The following MTMR7 variants were observed in gnomAD, a reference collection of about 807,000 sequenced individuals.
MTMR7 encodes myotubularin related protein 7.
MTMR7 carries 76 observed loss-of-function variants against 81.2 expected under a neutral mutation model. The ratio of observed to expected loss-of-function variants is 0.94; its 90% CI spans 0.78 to 1.13. MTMR7 has a LOEUF of 1.13. Among genes scored for constraint, MTMR7 ranks in the 50% most tolerant of loss-of-function variants. The pLI is 0.00. For synonymous variants in MTMR7, 372 were observed against 289.8 expected (o/e 1.28, Z -2.88); for missense variants, 1,044 against 820.0 (o/e 1.27, Z -3.34).
chr8:17,370,568 A>C (rs563953772), intron 3 of MTMR7, among the ~76,000 whole-genome samples: 30 of 150,874 alleles, frequency 2.0e-4, no homozygotes, highest in African/African-American at 6.5e-4. Flanking sequence ...AAAAAAAAAA[A>C]AAAAAAAAAA....
intron 4 of MTMR7, among the ~76,000 whole-genome samples, chr8:17,360,359 A>C (rs1421358762): frequency 6.6e-6 from 1 of 152,148 alleles, no homozygotes; most frequent in East Asian, 1.9e-4. Context: ...TCCAATTTTC[A>C]ATAATGAATA....
Position 17,372,284 on chromosome 8 carries a change from C to T in MTMR7, c.147+834G>A, listed in dbSNP as rs185696855. On this transcript the variant is annotated intron_variant, in intron 2 of 13. Coordinates refer to ENST00000180173, the MANE Select transcript of MTMR7 (RefSeq NM_004686.5). The stretch of plus-strand genomic sequence containing the variant: ...ATTCAGGGATGTCATGATTGGGTTG[C>T]TGAAAGAATAATAAGGCCACACACG... Among the ~76,000 whole-genome samples the T allele has an allele frequency of 3.9e-3, 588 of 152,144 alleles. 18 individuals are homozygous for T. Among genetic ancestry groups the T allele is most frequent in the Non-Finnish European group, 7.9e-4 (54 of 68,014 alleles).
In MTMR7 at chr8:17,411,793, G is replaced by A. The variant is rs561729368; in HGVS notation, c.24+1476C>T. Among the ~76,000 whole-genome samples, 3 of 152,310 alleles carry A rather than the reference G, an allele frequency of 2.0e-5. No homozygotes were observed. In the Middle Eastern group the frequency reaches 0.01, roughly 518 times the overall value. On this transcript the variant is annotated intron_variant, in intron 1 of 13. Transcript: ENST00000180173. ...ACCAGGTGGCTTTGTATATAGAACA[G>A]AAAAGGCCTTGACTCCCCCAAATTC...
intron 10 of MTMR7, among the ~76,000 whole-genome samples, chr8:17,308,342 G>A (rs1262126618): frequency 6.6e-6 from 1 of 152,134 alleles, no homozygotes; most frequent in Non-Finnish European, 1.5e-5. Context: ...ATAATGCCAT[G>A]TTAAGAAGTT....
intron 10 of MTMR7, among the ~76,000 whole-genome samples, chr8:17,306,963 C>A (rs995782731): frequency 1.3e-5 from 2 of 152,144 alleles, no homozygotes; most frequent in African/African-American, 4.8e-5. Flanking sequence ...CAATACCATT[C>A]AGGACATAGG....
At chr8:17,363,500 T>C (rs1040543239) in intron 3 of MTMR7, among the ~76,000 whole-genome samples, 1 of 152,214 alleles carries the variant, frequency 6.6e-6, no homozygotes, top group Non-Finnish European at 1.5e-5. Flanking sequence ...AACGAAATTA[T>C]CCATAAATTA....
At chr8:17,399,939 C>T (rs1821373888) in intron 1 of MTMR7, among the ~76,000 whole-genome samples, 1 of 151,084 alleles carries the variant, frequency 6.6e-6, no homozygotes, top group African/African-American at 2.4e-5. Flanking sequence ...ATCTCTATCA[C>T]CTGAGATTAA....
At chr8:17,309,877 T>C (rs1563320752) in intron 9 of MTMR7, among the ~76,000 whole-genome samples, 1 of 152,216 alleles carries the variant, frequency 6.6e-6, no homozygotes, top group Non-Finnish European at 1.5e-5. Context: ...TGATGGTGTT[T>C]GGGGTATATT....
At chr8:17,353,211 C>A (rs1819779191) in intron 4 of MTMR7, among the ~76,000 whole-genome samples, 1 of 152,096 alleles carries the variant, frequency 6.6e-6, no homozygotes. Flanking sequence ...CTGTATGATT[C>A]CACTTATATG....
chr8:17,401,303 G>T (rs553311793), intron 1 of MTMR7, among the ~76,000 whole-genome samples: 1 of 152,224 alleles, frequency 6.6e-6, no homozygotes, highest in East Asian at 1.9e-4. Flanking sequence ...GCACATCTAA[G>T]GAAAGCAAGT....
In MTMR7 at chr8:17,403,369, C is replaced by T. The variant is rs117576194; in HGVS notation, c.24+9900G>A. Among the ~76,000 whole-genome samples the T allele has an allele frequency of 3.9e-4, 59 of 152,232 alleles. 1 individual carries two copies. Among genetic ancestry groups the T allele is most frequent in the East Asian group, 2.1e-3 (11 of 5,188 alleles). On this transcript the variant is annotated intron_variant, in intron 1 of 13. Transcript: ENST00000180173. ...CAATATATGTCATTGGCACTATTTT[C>T]GAAAACAAGTCCACTGTAGGTGTGT... is the stretch of plus-strand genomic sequence containing the variant.
Position 17,335,250 on chromosome 8 carries a change from T to C in MTMR7, c.733-3968A>G, listed in dbSNP as rs546772898. On this transcript the variant is annotated intron_variant, in intron 6 of 13. Transcript: ENST00000180173. ...CGAGGGGCCCTGAGTGTCTCATTGA[T>C]GGCCACATCCGTATCCTTCAAACCG... Among the ~76,000 whole-genome samples, 613 of 152,238 alleles carry C rather than the reference T, an allele frequency of 4.0e-3. 4 individuals are homozygous for C. Among genetic ancestry groups the C allele is most frequent in the African/African-American group, 0.014 (581 of 41,534 alleles).
At position 17,318,270 on chromosome 8, in the gene MTMR7, C is replaced by T. The variant is rs547617938; in HGVS notation, c.866-4869G>A. Among the ~76,000 whole-genome samples the T allele has an allele frequency of 3.9e-5, 6 of 152,258 alleles. No homozygotes were observed. In the South Asian group the frequency reaches 6.2e-4, roughly 16 times the overall value. On this transcript the variant is annotated intron_variant, in intron 7 of 13. Coordinates refer to ENST00000180173, the MANE Select transcript of MTMR7 (RefSeq NM_004686.5). ...ATGCTCGGGCTGGGAATCTCACAGA[C>T]ACCCAGCAGACGTACACCAAATGCT...
chr8:17,339,564 T>C (rs1333597822), intron 6 of MTMR7, among the ~76,000 whole-genome samples: 1 of 152,264 alleles, frequency 6.6e-6, no homozygotes, highest in Non-Finnish European at 1.5e-5. Flanking sequence ...TTCCTCCATG[T>C]TGCAGTATGT....
At chr8:17,390,772 A>G (rs1563375584) in intron 1 of MTMR7, among the ~76,000 whole-genome samples, 1 of 152,204 alleles carries the variant, frequency 6.6e-6, no homozygotes, top group Non-Finnish European at 1.5e-5. Flanking sequence ...ACAGAATGAA[A>G]GGGGAAGAGC....
At chr8:17,357,648 A>G (rs1819936278) in intron 4 of MTMR7, among the ~76,000 whole-genome samples, 1 of 152,250 alleles carries the variant, frequency 6.6e-6, no homozygotes, top group Non-Finnish European at 1.5e-5. Flanking sequence ...GCAGTTTCCA[A>G]GAACCTACTG....
chr8:17,315,257 A>G (rs1051391153), intron 7 of MTMR7, among the ~76,000 whole-genome samples: 2 of 152,196 alleles, frequency 1.3e-5, no homozygotes, highest in African/African-American at 4.8e-5. Flanking sequence ...GCTACATATT[A>G]TATGATGTCA....
intron 4 of MTMR7, among the ~76,000 whole-genome samples, chr8:17,352,984 G>C (rs1288960087): frequency 6.6e-6 from 1 of 152,158 alleles, no homozygotes; most frequent in African/African-American, 2.4e-5. Flanking sequence ...ATCTCCAAGA[G>C]ATACTTGCAC....
At chr8:17,322,583 G>T (rs1442955697) in intron 7 of MTMR7, among the ~76,000 whole-genome samples, 1 of 152,184 alleles carries the variant, frequency 6.6e-6, no homozygotes, top group Non-Finnish European at 1.5e-5. Flanking sequence ...ACTTTGGGAG[G>T]CCAAGGCAGT....
Sources: allele counts gnomAD v4.1 joint callset (sites outside exome capture counted in the v4.1 genomes callset), GRCh38; gene constraint gnomAD v4.1.1; transcripts MANE v1.5; gene names NCBI Gene and HGNC (gene_info 2026-07-23, HGNC 2026-07-21).